The following SV2C variants were observed in gnomAD, a reference collection of about 807,000 sequenced individuals.
The protein encoded by SV2C is synaptic vesicle glycoprotein 2C.
SV2C carries 49 observed loss-of-function variants against 79.7 expected under a neutral mutation model. The observed-to-expected ratio is 0.61, with a 90% CI of 0.49 to 0.78. SV2C has a LOEUF of 0.78. SV2C is among the 30% of genes least tolerant of loss of function. The pLI, the probability that SV2C is intolerant of heterozygous loss-of-function variation, is 0.00. For missense variants in SV2C, 833 were observed against 912.9 expected (o/e 0.91, Z 1.13); for synonymous variants, 334 against 333.2 (o/e 1.00, Z -0.03).
chr5:75,957,928 A>G, the SV2C span, among the ~76,000 whole-genome samples: 1 of 151,864 alleles, frequency 6.6e-6, no homozygotes, highest in Non-Finnish European at 1.5e-5. Context: ...TACAGGACAT[A>G]CCTCCCTTGG....
At chr5:75,974,356 A>C in the SV2C span, among the ~76,000 whole-genome samples, 1 of 152,128 alleles carries the variant, frequency 6.6e-6, no homozygotes, top group Admixed American at 6.6e-5. Flanking sequence ...AATATATGAG[A>C]ACACACTCTT....
intron 2 of SV2C, among the ~76,000 whole-genome samples, chr5:76,164,780 G>A (rs1442711654): frequency 7.5e-6 from 1 of 132,760 alleles, no homozygotes; most frequent in Non-Finnish European, 1.6e-5. Context: ...TCATCCCTCA[G>A]TATCTGTGTG....
At chr5:76,089,502 T>C (rs573284617) in intron 1 of SV2C, among the ~76,000 whole-genome samples, 2 of 152,346 alleles carry the variant, frequency 1.3e-5, no homozygotes, top group East Asian at 3.9e-4. Flanking sequence ...TGTGCATGTG[T>C]TTTTGTAATA....
At chr5:76,084,543 T>TGGGCGTGCGGGGACCTTAGG (rs1747107878) in intron 1 of SV2C, among the ~76,000 whole-genome samples, 1 of 58,922 alleles carries the variant, frequency 1.7e-5, no homozygotes, top group Non-Finnish European at 3.2e-5. Flanking sequence ...AGCAGATCTG[T>TGGGCGTGCGGGGACCTTAGG]GGGCGTGCGG....
intron 2 of SV2C, among the ~76,000 whole-genome samples, chr5:76,155,994 G>A (rs1302357037): frequency 6.6e-6 from 1 of 151,294 alleles, no homozygotes; most frequent in Non-Finnish European, 1.5e-5. Context: ...GAAAGGCAAT[G>A]GGGAAGAGAT....
chr5:76,084,073 C>G (rs141905371), intron 1 of SV2C: 364 of 152,412 alleles, frequency 2.4e-3, no homozygotes, highest in Non-Finnish European at 3.7e-3. Context: ...AATTTTCAAA[C>G]TCTCCCACAT....
At chr5:76,025,568 A>G in the SV2C span, among the ~76,000 whole-genome samples, 1 of 152,220 alleles carries the variant, frequency 6.6e-6, no homozygotes, top group African/African-American at 2.4e-5. Flanking sequence ...TGCTAAAAGT[A>G]TATGTTTTTG....
chr5:76,036,916 C>T, the SV2C span, among the ~76,000 whole-genome samples: 1 of 152,158 alleles, frequency 6.6e-6, no homozygotes, highest in Admixed American at 6.5e-5. Flanking sequence ...TCACACAGTC[C>T]CATATTTCTT....
chr5:76,058,624 G>A, the SV2C span, among the ~76,000 whole-genome samples: 1 of 152,094 alleles, frequency 6.6e-6, no homozygotes, highest in African/African-American at 2.4e-5. Flanking sequence ...AATATTCCAA[G>A]TGCTGAATAT....
the SV2C span, among the ~76,000 whole-genome samples, chr5:75,999,167 A>G: frequency 2.0e-5 from 3 of 152,098 alleles, no homozygotes; most frequent in South Asian, 6.2e-4. Flanking sequence ...TGCCCCCATG[A>G]TTCAATTACC....
At chr5:76,031,071 A>G in the SV2C span, among the ~76,000 whole-genome samples, 1 of 152,220 alleles carries the variant, frequency 6.6e-6, no homozygotes, top group African/African-American at 2.4e-5. Context: ...GATGTGATGA[A>G]TTTTAAATAT....
rs548638145 is a variant in SV2C at position 76,288,539 on chromosome 5, A to T, written c.1137+2669A>T. ...TTGAGACATTATCTGGATATACAAC[A>T]TCACTTAACTCTTCTCAGCCAGATG... is the stretch of plus-strand genomic sequence containing the variant. On this transcript the variant is annotated intron_variant, in intron 6 of 12. Coordinates refer to ENST00000502798, the MANE Select transcript of SV2C (RefSeq NM_014979.4). Among the ~76,000 whole-genome samples, 6 of 152,296 alleles carry T rather than the reference A, an allele frequency of 3.9e-5. No individual in the cohort carries two copies. In the South Asian group the frequency reaches 1.0e-3, roughly 26 times the overall value.
At chr5:76,181,965 A>G (rs1743747166) in intron 2 of SV2C, among the ~76,000 whole-genome samples, 1 of 152,084 alleles carries the variant, frequency 6.6e-6, no homozygotes. Context: ...CCCACCAGAC[A>G]CCTATCCTCC....
At position 76,325,704 on chromosome 5, in the gene SV2C, G is replaced by T; in HGVS notation, c.*157G>T. The stretch of plus-strand genomic sequence containing the variant: ...TTAAAATTTAGAAGCATATCATCTT[G>T]CCCCTTTGTGATTTTGCACAGGTTG... On this transcript the variant is annotated 3_prime_UTR_variant, in exon 13 of 13. Transcript: ENST00000502798. The T allele has an allele frequency of 1.9e-6, 2 of 1,054,736 alleles. No individual in the cohort carries two copies. Among genetic ancestry groups the T allele is most frequent in the South Asian group, 1.9e-5 (1 of 53,430 alleles). The allele number at this position is 1,054,736 out of a possible 1,614,324, so 65.3% of individuals were successfully genotyped here.
At chr5:75,901,322 A>T in the SV2C span, among the ~76,000 whole-genome samples, 1 of 152,178 alleles carries the variant, frequency 6.6e-6, no homozygotes, top group East Asian at 1.9e-4. Context: ...CCTGAGCTGC[A>T]GGTCTGTTGG....
intron 2 of SV2C, among the ~76,000 whole-genome samples, chr5:76,175,183 C>T (rs1743484166): frequency 6.6e-6 from 1 of 152,164 alleles, no homozygotes; most frequent in Non-Finnish European, 1.5e-5. Flanking sequence ...GTCCAGTTTC[C>T]ATGTTGGCCT....
rs151141120 is a variant in SV2C at position 76,307,986 on chromosome 5, C to T, written c.2000+6441C>T. Among the ~76,000 whole-genome samples, 189 of 152,246 alleles carry T rather than the reference C, an allele frequency of 1.2e-3. 1 individual carries two copies. The highest frequency in any genetic ancestry group is 4.5e-3 in the African/African-American group (185 of 41,534). ...CTTATTATGGCTGCTTTAAAATATT[C>T]ATCAGATAATTCTAACATCTCTGTC... On this transcript the variant is annotated intron_variant, in intron 12 of 12. Coordinates refer to ENST00000502798, the MANE Select transcript of SV2C (RefSeq NM_014979.4).
rs530889162 is a variant in SV2C at position 76,175,452 on chromosome 5, A to G, written c.581-19467A>G. 1.2e-4 allele frequency among the ~76,000 whole-genome samples: 18 copies of G among 152,342 alleles called. No homozygotes were observed. The East Asian group carries it at 3.5e-3, about 29-fold the overall frequency. ...TGGCTTTAACTAAAAAGAAAAATGG[A>G]CACAGAATCTAACAGTGAATGTTTA... On this transcript the variant is annotated intron_variant, in intron 2 of 12. Coordinates refer to ENST00000502798, the MANE Select transcript of SV2C (RefSeq NM_014979.4).
intron 4 of SV2C, among the ~76,000 whole-genome samples, chr5:76,238,150 C>A (rs6865959): frequency 6.6e-6 from 1 of 151,508 alleles, no homozygotes; most frequent in African/African-American, 2.4e-5. Flanking sequence ...TACCTGGATC[C>A]ATTTTCTAAT....
Sources: allele counts gnomAD v4.1 joint callset (sites outside exome capture counted in the v4.1 genomes callset), GRCh38; gene constraint gnomAD v4.1.1; transcripts MANE v1.5; gene names NCBI Gene and HGNC (gene_info 2026-07-23, HGNC 2026-07-21).